TPST1: variants seen among roughly 807,000 people sequenced by gnomAD.
TPST1 encodes tyrosylprotein sulfotransferase 1.
TPST1 carries 20 observed loss-of-function variants against 34.8 expected under a neutral mutation model. The observed-to-expected ratio is 0.57, with a 90% CI of 0.40 to 0.84. The LOEUF (loss-of-function observed/expected upper bound fraction) is 0.84. Ranked by LOEUF, TPST1 falls within the 40% of genes least tolerant of loss-of-function variation. TPST1 has a pLI of 0.00. For missense variants in TPST1, 353 were observed against 455.5 expected (o/e 0.78, Z 2.05); for synonymous variants, 152 against 159.4 (o/e 0.95, Z 0.35).
chr7:66,339,392 T>C (rs1371474781), intron 3 of TPST1, among the ~76,000 whole-genome samples: 1 of 152,166 alleles, frequency 6.6e-6, no homozygotes, highest in Admixed American at 6.5e-5. Flanking sequence ...GCCCAGGACC[T>C]GTTGCTTCAC....
chr7:66,303,391 G>GTGTATGTATGTATGTGTGTATGTA (rs1791357100), intron 3 of TPST1, among the ~76,000 whole-genome samples: 5 of 150,048 alleles, frequency 3.3e-5, no homozygotes. Flanking sequence ...ACAGCTGTGT[G>GTGTATGTATGTATGTGTGTATGTA]TGTATGTATG....
At chr7:66,304,040 A>C (rs374667802) in intron 3 of TPST1, among the ~76,000 whole-genome samples, 2 of 152,168 alleles carry the variant, frequency 1.3e-5, no homozygotes, top group Non-Finnish European at 1.5e-5. Context: ...AGTCAGGGAA[A>C]CATTGAGCCA....
At chr7:66,326,717 C>T (rs1312195258) in intron 3 of TPST1, among the ~76,000 whole-genome samples, 2 of 152,154 alleles carry the variant, frequency 1.3e-5, no homozygotes, top group African/African-American at 4.8e-5. Context: ...CATTCCAATC[C>T]ATCTTGTCCA....
At chr7:66,347,456 T>G (rs192920494) in intron 3 of TPST1, among the ~76,000 whole-genome samples, 1 of 152,354 alleles carries the variant, frequency 6.6e-6, no homozygotes, top group Non-Finnish European at 1.5e-5. Flanking sequence ...ATGTATGTTC[T>G]TGGCACATTT....
chr7:66,292,511 T>C (rs1310303939), intron 3 of TPST1, among the ~76,000 whole-genome samples: 5 of 56,486 alleles, frequency 8.9e-5, no homozygotes, highest in South Asian at 5.0e-4. Flanking sequence ...ATCAGCGAGA[T>C]TCCGTGGGCG....
intron 1 of TPST1, among the ~76,000 whole-genome samples, chr7:66,230,293 A>G (rs1324949336): frequency 6.6e-6 from 1 of 152,234 alleles, no homozygotes; most frequent in Non-Finnish European, 1.5e-5. Flanking sequence ...TTTCATGTAA[A>G]TGGAATCATA....
At chr7:66,335,515 A>T (rs375754786) in intron 3 of TPST1, among the ~76,000 whole-genome samples, 7 of 152,170 alleles carry the variant, frequency 4.6e-5, no homozygotes, top group South Asian at 2.1e-4. Context: ...AGACTTTCAC[A>T]GACTGGGAAA....
rs35654351 is a variant in TPST1 at position 66,278,100 on chromosome 7, C to CAAAAAAA, written c.846-8388_846-8382dup. Among the ~76,000 whole-genome samples the CAAAAAAA allele has an allele frequency of 7.2e-4, 36 of 50,244 alleles. 1 individual carries two copies. The highest frequency in any genetic ancestry group is 5.0e-3 in the East Asian group (6 of 1,204). 33.0% of individuals were successfully genotyped at this position (50,244 alleles called of 152,430 possible). On this transcript the variant is annotated intron_variant, in intron 2 of 5. Coordinates refer to ENST00000304842, the MANE Select transcript of TPST1 (RefSeq NM_003596.4). ...GGGCAACAAGAATGTGACTCCATCT[C>CAAAAAAA]AAAAAAAAAAAAAAAAAAAAAAAAA...
At chr7:66,211,197 C>CGATCTTGG (rs972498255) in intron 1 of TPST1, among the ~76,000 whole-genome samples, 5 of 151,702 alleles carry the variant, frequency 3.3e-5, no homozygotes, top group Non-Finnish European at 5.9e-5. Flanking sequence ...TGCAATGGCG[C>CGATCTTGG]GATCTTGGCT....
At chr7:66,286,417 C>G in intron 2 of TPST1, 94 bp from the exon 3 acceptor site, 2 of 973,246 alleles carry the variant, frequency 2.1e-6, no homozygotes, top group Non-Finnish European at 2.7e-6. Flanking sequence ...ATCCAGACAA[C>G]TGTTAGTCAT....
At chr7:66,325,356 A>G (rs1283731309) in intron 3 of TPST1, among the ~76,000 whole-genome samples, 2 of 152,148 alleles carry the variant, frequency 1.3e-5, no homozygotes, top group Non-Finnish European at 2.9e-5. Context: ...ACAAAGCCTA[A>G]CCATATCACT....
upstream of TPST1, among the ~76,000 whole-genome samples, chr7:66,203,893 C>T (rs980570166): frequency 6.6e-6 from 1 of 152,068 alleles, no homozygotes; most frequent in Non-Finnish European, 1.5e-5. Context: ...AAGATGATGT[C>T]CAGCCAGGCA....
chr7:66,295,604 G>C (rs1012921594), intron 3 of TPST1, among the ~76,000 whole-genome samples: 1 of 152,188 alleles, frequency 6.6e-6, no homozygotes, highest in South Asian at 2.1e-4. Context: ...ATTGATTAAT[G>C]TAATTGAACA....
chr7:66,218,917 G>A (rs1460341789), intron 1 of TPST1, among the ~76,000 whole-genome samples: 1 of 151,716 alleles, frequency 6.6e-6, no homozygotes, highest in East Asian at 1.9e-4. Flanking sequence ...GTCTGGCTCT[G>A]TCATCTAGGC....
At chr7:66,347,305 T>C (rs574146174) in intron 3 of TPST1, among the ~76,000 whole-genome samples, 1 of 152,214 alleles carries the variant, frequency 6.6e-6, no homozygotes, top group East Asian at 1.9e-4. Flanking sequence ...TGGCCTCAAG[T>C]GATCCACTGG....
chr7:66,255,713 A>G (rs1490424252), intron 2 of TPST1, among the ~76,000 whole-genome samples: 1 of 152,212 alleles, frequency 6.6e-6, no homozygotes, highest in Non-Finnish European at 1.5e-5. Context: ...TTGAATTTTC[A>G]TTCTGTTGAC....
At chr7:66,204,044 G>C (rs1468803599), upstream of TPST1, among the ~76,000 whole-genome samples, 3 of 151,894 alleles carry the variant, frequency 2.0e-5, no homozygotes, top group Non-Finnish European at 4.4e-5. Flanking sequence ...AGGCATGGTG[G>C]CACATGCATG....
At chr7:66,304,210 A>C (rs1791377336) in intron 3 of TPST1, among the ~76,000 whole-genome samples, 1 of 152,220 alleles carries the variant, frequency 6.6e-6, no homozygotes, top group Non-Finnish European at 1.5e-5. Context: ...TACAGTTGGA[A>C]GACCAGAGGA....
chr7:66,223,142 T>C (rs1045060351), intron 1 of TPST1, among the ~76,000 whole-genome samples: 25 of 152,122 alleles, frequency 1.6e-4, no homozygotes, highest in Admixed American at 9.2e-4. Flanking sequence ...ATTCAGTTAC[T>C]TTTCATTCTA....
Sources: allele counts gnomAD v4.1 joint callset (sites outside exome capture counted in the v4.1 genomes callset), GRCh38; gene constraint gnomAD v4.1.1; transcripts MANE v1.5; gene names NCBI Gene and HGNC (gene_info 2026-07-23, HGNC 2026-07-21).